KIRREL3: variants seen among roughly 807,000 people sequenced by gnomAD.
KIRREL3 encodes kin of IRRE-like protein 3.
Under a neutral mutation model 89.7 loss-of-function variants are expected in KIRREL3, and 36 were observed. That is an observed-to-expected ratio of 0.40 (90% CI 0.31 to 0.53). The LOEUF is 0.53. KIRREL3 is among the 20% of genes least tolerant of loss of function. KIRREL3 has a pLI of 0.49. For synonymous variants in KIRREL3, 445 were observed against 441.4 expected, an observed-to-expected ratio of 1.01 and a Z score of -0.10; for missense variants, 864 against 1,056.6, an observed-to-expected ratio of 0.82 and a Z score of 2.53.
chr11:126,979,754 G>T (rs573954187), intron 1 of KIRREL3, among the ~76,000 whole-genome samples: 1 of 152,214 alleles, frequency 6.6e-6, no homozygotes, highest in African/African-American at 2.4e-5. Flanking sequence ...GAGAGGACCT[G>T]GCCTTTGTAG....
intron 1 of KIRREL3, among the ~76,000 whole-genome samples, chr11:126,720,647 T>C (rs1339125549): frequency 6.6e-6 from 1 of 152,198 alleles, no homozygotes; most frequent in African/African-American, 2.4e-5. Context: ...ACAGACACTC[T>C]TGAGAGCGAA....
Position 126,844,722 on chromosome 11 carries a change from T to C in KIRREL3, c.55+155733A>G, listed in dbSNP as rs1368616463. ...GGGTTTGGCACTATAGGATGTTAACTGCTATTCTCTTTGGATTATTTTACT... is the reference window on the plus strand; with the variant it reads ...GGGTTTGGCACTATAGGATGTTAACCGCTATTCTCTTTGGATTATTTTACT... On this transcript the variant is annotated intron_variant, in intron 1 of 16. Coordinates refer to ENST00000525144, the MANE Select transcript of KIRREL3 (RefSeq NM_032531.4). This position sits in a 1 kb window ranked among gnomAD's most constrained non-coding sequence, Gnocchi z 4.8. 3.3e-5 allele frequency among the ~76,000 whole-genome samples: 5 copies of C among 152,184 alleles called. No individual in the cohort carries two copies. The highest frequency in any genetic ancestry group is 1.2e-4 in the African/African-American group (5 of 41,452).
chr11:126,961,943 CT>C (rs1228946230), intron 1 of KIRREL3, among the ~76,000 whole-genome samples: 11 of 152,248 alleles, frequency 7.2e-5, no homozygotes, highest in Non-Finnish European at 2.9e-5. Flanking sequence ...GACAGCACAT[CT>C]GCTTACAGGT....
chr11:126,970,966 C>G lies in KIRREL3; in HGVS notation c.55+29489G>C, dbSNP rs1258241786. On this transcript the variant is annotated intron_variant, in intron 1 of 16. Transcript: ENST00000525144. This position sits in a 1 kb window ranked among gnomAD's most constrained non-coding sequence, Gnocchi z 4.4. ...CCACCAGTCTCCCTTACAGTAGCTG[C>G]GAGGTGCACAGGTAGTTTTAGGATT... Among the ~76,000 whole-genome samples the G allele has an allele frequency of 2.0e-5, 3 of 152,176 alleles. No individual in the cohort carries two copies. Among genetic ancestry groups the G allele is most frequent in the African/African-American group, 7.2e-5 (3 of 41,446 alleles).
intron 1 of KIRREL3, among the ~76,000 whole-genome samples, chr11:126,962,293 G>A (rs1433456795): frequency 6.6e-6 from 1 of 152,166 alleles, no homozygotes; most frequent in Non-Finnish European, 1.5e-5. Flanking sequence ...TTAAGAACAT[G>A]CATGATTCAT....
rs1950048555 is a variant in KIRREL3 at position 126,772,499 on chromosome 11, C to A, written c.56-209587G>T. 6.6e-6 allele frequency among the ~76,000 whole-genome samples: 1 copy of A among 152,098 alleles called. No individual in the cohort carries two copies. The highest frequency in any genetic ancestry group is 1.5e-5 in the Non-Finnish European group (1 of 68,022). ...TTTGACAACTCTGCTATTCTGATGA[C>A]CTGAAATGGCATGTGTGTGACATGT... On this transcript the variant is annotated intron_variant, in intron 1 of 16. Coordinates refer to ENST00000525144, the MANE Select transcript of KIRREL3 (RefSeq NM_032531.4). The surrounding 1 kb of genome is among the most constrained non-coding windows in gnomAD (Gnocchi z 4.6).
At chr11:126,634,657 C>T (rs1487304207) in intron 1 of KIRREL3, among the ~76,000 whole-genome samples, 2 of 152,266 alleles carry the variant, frequency 1.3e-5, no homozygotes, top group South Asian at 4.1e-4. Flanking sequence ...GGAACCAGGT[C>T]CCTTGTACCT....
At position 126,780,674 on chromosome 11, in the gene KIRREL3, C is replaced by T. The variant is rs1339769924; in HGVS notation, c.56-217762G>A. On this transcript the variant is annotated intron_variant, in intron 1 of 16. Coordinates refer to ENST00000525144, the MANE Select transcript of KIRREL3 (RefSeq NM_032531.4). This position sits in a 1 kb window ranked among gnomAD's most constrained non-coding sequence, Gnocchi z 5.3. ...TGGCAACAGATCCATCTCCTTGAGACACAAGCCAGGCCACCTGTGCTAGGC... is the reference window on the plus strand; with the variant it reads ...TGGCAACAGATCCATCTCCTTGAGATACAAGCCAGGCCACCTGTGCTAGGC... Among the ~76,000 whole-genome samples, 3 of 152,198 alleles carry T rather than the reference C, an allele frequency of 2.0e-5. No individual in the cohort carries two copies. The highest frequency in any genetic ancestry group is 4.4e-5 in the Non-Finnish European group (3 of 68,034).
At position 126,430,925 on chromosome 11, in the gene KIRREL3, T is replaced by G. The variant is rs1591520208; in HGVS notation, c.1696+494A>C. 4 of 985,252 alleles carry G rather than the reference T, an allele frequency of 4.1e-6. No individual in the cohort carries two copies. In the East Asian group the frequency reaches 3.9e-4, roughly 96 times the overall value. 61.0% of individuals were successfully genotyped at this position (985,252 alleles called of 1,614,324 possible). ...ACAAACACTAGAATTTTATTGGTAA[T>G]CACTGAAGACCTTTAAAAGTTTTCT... On this transcript the variant is annotated intron_variant, in intron 14 of 16. Transcript: ENST00000525144. The surrounding 1 kb of genome is among the most constrained non-coding windows in gnomAD (Gnocchi z 6.6).
intron 1 of KIRREL3, among the ~76,000 whole-genome samples, chr11:126,799,318 CTATGTGTATCTG>C (rs1950930458): frequency 2.4e-5 from 1 of 42,312 alleles, no homozygotes; most frequent in African/African-American, 1.2e-4. Flanking sequence ...ATGTGTGTAC[CTATGTGTATCTG>C]TGTGTGTGCA....
At position 126,561,373 on chromosome 11, in the gene KIRREL3, G is replaced by A. The variant is rs1241659504; in HGVS notation, c.133+1462C>T. 6.6e-6 allele frequency among the ~76,000 whole-genome samples: 1 copy of A among 152,162 alleles called. No homozygotes were observed. The highest frequency in any genetic ancestry group is 1.5e-5 in the Non-Finnish European group (1 of 68,026). Reference sequence around the variant, plus strand: ...TGAGGTCAGATATCTGGAGCTATGGGTTTCAATTCCAGCCCAGCTCCTGAC... The same window carrying A: ...TGAGGTCAGATATCTGGAGCTATGGATTTCAATTCCAGCCCAGCTCCTGAC... On this transcript the variant is annotated intron_variant, in intron 2 of 16. Transcript: ENST00000525144. This position sits in a 1 kb window ranked among gnomAD's most constrained non-coding sequence, Gnocchi z 4.5.
In KIRREL3 at chr11:126,579,788, T is replaced by C. The variant is rs1941445353; in HGVS notation, c.56-16876A>G. On this transcript the variant is annotated intron_variant, in intron 1 of 16. Transcript: ENST00000525144. This position sits in a 1 kb window ranked among gnomAD's most constrained non-coding sequence, Gnocchi z 5.3. The stretch of plus-strand genomic sequence containing the variant: ...CCTGCCTCTCTCCACCTCTGCGTGA[T>C]GTTTTTCTGTTCGCCTGTCTGTCTC... Among the ~76,000 whole-genome samples the C allele has an allele frequency of 6.6e-6, 1 of 151,996 alleles. No individual in the cohort carries two copies. The highest frequency in any genetic ancestry group is 1.5e-5 in the Non-Finnish European group (1 of 68,010).
At position 126,624,721 on chromosome 11, in the gene KIRREL3, G is replaced by C. The variant is rs1006526510; in HGVS notation, c.56-61809C>G. On this transcript the variant is annotated intron_variant, in intron 1 of 16. Transcript: ENST00000525144. The surrounding 1 kb of genome is among the most constrained non-coding windows in gnomAD (Gnocchi z 6.0). ...TATTGTGGCTGTGATTTTTCAAAGG[G>C]CTGAGTAATTCCCGAGCATCAATAA... Among the ~76,000 whole-genome samples, 1 of 152,196 alleles carries C rather than the reference G, an allele frequency of 6.6e-6. No homozygotes were observed. Among genetic ancestry groups the C allele is most frequent in the African/African-American group, 2.4e-5 (1 of 41,448 alleles).
At chr11:126,637,325 G>A (rs1447761072) in intron 1 of KIRREL3, among the ~76,000 whole-genome samples, 2 of 151,986 alleles carry the variant, frequency 1.3e-5, no homozygotes, top group African/African-American at 4.8e-5. Context: ...TCCTCTTCTC[G>A]CTTCTTCCCT....
intron 1 of KIRREL3, among the ~76,000 whole-genome samples, chr11:126,648,416 C>T (rs1944778243): frequency 6.6e-6 from 1 of 152,172 alleles, no homozygotes. Flanking sequence ...CTCGGTCCCT[C>T]CCCTGCTTCA....
rs1425467170 is a variant in KIRREL3 at position 126,645,006 on chromosome 11, G to A, written c.56-82094C>T. Among the ~76,000 whole-genome samples the A allele has an allele frequency of 1.3e-5, 2 of 152,168 alleles. No homozygotes were observed. Among genetic ancestry groups the A allele is most frequent in the Non-Finnish European group, 2.9e-5 (2 of 68,046 alleles). On this transcript the variant is annotated intron_variant, in intron 1 of 16. Transcript: ENST00000525144. This position sits in a 1 kb window ranked among gnomAD's most constrained non-coding sequence, Gnocchi z 4.9. ...TATGCCCTGGAAGAGGTGAGGACTT[G>A]GGATGAACCTTGAGGGAGGGGTTGG...
Position 126,442,346 on chromosome 11 carries a change from AC to A in KIRREL3, c.1253-1798del, listed in dbSNP as rs1565454369. On this transcript the variant is annotated intron_variant, in intron 10 of 16. Coordinates refer to ENST00000525144, the MANE Select transcript of KIRREL3 (RefSeq NM_032531.4). ...CACACACACACACACACACACACAC[AC>A]ACACACAAAACCTTTTCCTTGTGCT... Among the ~76,000 whole-genome samples the A allele has an allele frequency of 2.9e-3, 410 of 143,234 alleles. 2 individuals are homozygous for A. Among genetic ancestry groups the A allele is most frequent in the African/African-American group, 7.0e-3 (266 of 37,836 alleles). The allele number at this position is 143,234 out of a possible 152,430, so 94.0% of individuals were successfully genotyped here. A position where few individuals can be genotyped will look rare whatever the true frequency, so the allele number is the denominator to read the frequency against.
chr11:126,859,649 G>A (rs989799952), intron 1 of KIRREL3, among the ~76,000 whole-genome samples: 5 of 152,192 alleles, frequency 3.3e-5, no homozygotes, highest in African/African-American at 1.2e-4. Flanking sequence ...TACATAAATT[G>A]AATTGACATT....
intron 1 of KIRREL3, among the ~76,000 whole-genome samples, chr11:126,979,101 C>T (rs1005501560): frequency 3.9e-5 from 6 of 152,144 alleles, no homozygotes; most frequent in African/African-American, 1.2e-4. Context: ...CGAATTCACC[C>T]GGAACAAAAG....
Sources: allele counts gnomAD v4.1 joint callset (sites outside exome capture counted in the v4.1 genomes callset), GRCh38; gene constraint gnomAD v4.1.1; non-coding constraint Gnocchi (gnomAD v3.1); transcripts MANE v1.5; gene names NCBI Gene and HGNC (gene_info 2026-07-23, HGNC 2026-07-21).